RBFOX1: variants seen among roughly 807,000 people sequenced by gnomAD.
The protein encoded by RBFOX1 is RNA binding protein fox-1 homolog 1.
Under a neutral mutation model 57.7 loss-of-function variants are expected in RBFOX1, and 8 were observed. That is an observed-to-expected ratio of 0.14 (90% CI 0.08 to 0.25). The LOEUF is 0.25. Ranked by LOEUF, RBFOX1 falls within the 10% of genes least tolerant of loss-of-function variation. The pLI is 1.00. For synonymous variants in RBFOX1, 326 were observed against 222.4 expected, an observed-to-expected ratio of 1.47 and a Z score of -4.15; for missense variants, 611 against 548.5, an observed-to-expected ratio of 1.11 and a Z score of -1.14.
intron 2 of RBFOX1, among the ~76,000 whole-genome samples, chr16:6,436,477 C>G (rs2094237181): frequency 6.9e-6 from 1 of 144,238 alleles, no homozygotes; most frequent in Admixed American, 7.0e-5. Flanking sequence ...ATGCTGTGAA[C>G]AATTTTGACA....
In RBFOX1 at chr16:7,163,710, GC is replaced by G. The variant is rs1321744944; in HGVS notation, c.27+111613del. ...CTTGCTCTGTCACCCATGCTGGAGTGCAGTGGTGCAATCTCATCTCACTGCA... is the reference window on the plus strand; with the variant it reads ...CTTGCTCTGTCACCCATGCTGGAGTGAGTGGTGCAATCTCATCTCACTGCA... On this transcript the variant is annotated intron_variant, in intron 4 of 15. Coordinates refer to ENST00000550418, the MANE Select transcript of RBFOX1 (RefSeq NM_018723.4). Among the ~76,000 whole-genome samples the G allele has an allele frequency of 2.0e-5, 3 of 152,018 alleles. No homozygotes were observed. The East Asian group carries it at 5.8e-4, about 29-fold the overall frequency.
At chr16:7,374,264 A>G (rs994061717) in intron 4 of RBFOX1, among the ~76,000 whole-genome samples, 6 of 152,148 alleles carry the variant, frequency 3.9e-5, no homozygotes, top group Non-Finnish European at 8.8e-5. Context: ...TCTTTTTCTG[A>G]GGCTCCGTGT....
At chr16:7,139,176 C>CTCTCTCTCTCTCTCTCTCTGTGTGTGTG (rs372381673) in intron 4 of RBFOX1, among the ~76,000 whole-genome samples, 1 of 145,792 alleles carries the variant, frequency 6.9e-6, no homozygotes, top group Non-Finnish European at 1.5e-5. Flanking sequence ...CAATCTCTCT[C>CTCTCTCTCTCTCTCTCTCTGTGTGTGTG]TGTGTGTGTG....
At chr16:6,950,890 T>G (rs1873706) in intron 3 of RBFOX1, among the ~76,000 whole-genome samples, 119 of 151,568 alleles carry the variant, frequency 7.9e-4, no homozygotes, top group Non-Finnish European at 1.2e-3. Context: ...TTTCTGTTTC[T>G]TTTCACTCTT....
At chr16:6,267,376 A>G (rs907955590) in intron 1 of RBFOX1, among the ~76,000 whole-genome samples, 4 of 152,192 alleles carry the variant, frequency 2.6e-5, no homozygotes, top group African/African-American at 9.6e-5. Context: ...CCCCGATTTC[A>G]CTATCTCCTA....
At chr16:5,970,846 T>C (rs1177557374) in intron 4 of RBFOX1, among the ~76,000 whole-genome samples, 2 of 152,182 alleles carry the variant, frequency 1.3e-5, no homozygotes, top group Non-Finnish European at 2.9e-5. Flanking sequence ...AGATACTCAT[T>C]TTTCATTCTC....
chr16:5,641,142 A>AT (rs1567335024), intron 3 of RBFOX1, among the ~76,000 whole-genome samples: 1 of 148,824 alleles, frequency 6.7e-6, no homozygotes, highest in African/African-American at 2.5e-5. Context: ...GCACACCATG[A>AT]ATACACACAC....
At chr16:7,082,978 T>TG (rs2059429584) in intron 4 of RBFOX1, among the ~76,000 whole-genome samples, 1 of 148,880 alleles carries the variant, frequency 6.7e-6, no homozygotes, top group South Asian at 2.1e-4. Context: ...CTTGTAAATA[T>TG]GGAAAAAAAT....
intron 4 of RBFOX1, among the ~76,000 whole-genome samples, chr16:7,232,057 G>T (rs192454685): frequency 6.6e-6 from 1 of 151,790 alleles, no homozygotes; most frequent in Non-Finnish European, 1.5e-5. Context: ...ACAGAGTCTC[G>T]GTCTGTCACC....
chr16:5,879,597 T>C (rs1415485435), intron 4 of RBFOX1, among the ~76,000 whole-genome samples: 1 of 152,206 alleles, frequency 6.6e-6, no homozygotes, highest in Non-Finnish European at 1.5e-5. Context: ...CCCAAAGTGC[T>C]GGGATTATAG....
At chr16:5,986,328 T>A (rs1224208199) in intron 4 of RBFOX1, among the ~76,000 whole-genome samples, 1 of 152,230 alleles carries the variant, frequency 6.6e-6, no homozygotes, top group Non-Finnish European at 1.5e-5. Flanking sequence ...CCTCCCATAG[T>A]GCTGGGATTA....
chr16:6,813,990 A>G (rs1300739619), intron 3 of RBFOX1, among the ~76,000 whole-genome samples: 2 of 152,126 alleles, frequency 1.3e-5, no homozygotes, highest in Admixed American at 6.6e-5. Flanking sequence ...GGCACTGGCA[A>G]TATCTGAGGA....
At chr16:6,576,243 G>A (rs2097433917) in intron 2 of RBFOX1, among the ~76,000 whole-genome samples, 1 of 152,166 alleles carries the variant, frequency 6.6e-6, no homozygotes, top group Non-Finnish European at 1.5e-5. Flanking sequence ...AGGGCACAAG[G>A]CAGGGACCAC....
chr16:6,249,327 C>G (rs1047735558), intron 1 of RBFOX1, among the ~76,000 whole-genome samples: 1 of 152,096 alleles, frequency 6.6e-6, no homozygotes, highest in African/African-American at 2.4e-5. Flanking sequence ...GAGTTCAAGA[C>G]CAGGCTGGCC....
chr16:5,884,495 A>T (rs1410783307), intron 4 of RBFOX1, among the ~76,000 whole-genome samples: 1 of 130,360 alleles, frequency 7.7e-6, no homozygotes, highest in Non-Finnish European at 1.6e-5. Flanking sequence ...GCTAGGGTAC[A>T]CAGCTGGACT....
intron 3 of RBFOX1, among the ~76,000 whole-genome samples, chr16:6,732,473 C>G (rs542577150): frequency 6.6e-6 from 1 of 152,174 alleles, no homozygotes; most frequent in African/African-American, 2.4e-5. Flanking sequence ...TCACCTGATT[C>G]ATTGAGTATC....
intron 3 of RBFOX1, among the ~76,000 whole-genome samples, chr16:6,672,586 T>C (rs2098773415): frequency 1.3e-5 from 2 of 152,118 alleles, no homozygotes; most frequent in South Asian, 4.2e-4. Context: ...TCTGTTTATG[T>C]GACAGAATCT....
chr16:6,459,261 G>A (rs956055963), intron 2 of RBFOX1, among the ~76,000 whole-genome samples: 6 of 152,140 alleles, frequency 3.9e-5, no homozygotes, highest in African/African-American at 9.7e-5. Context: ...GCGTGAACCC[G>A]GGAGGCAGAG....
intron 3 of RBFOX1, among the ~76,000 whole-genome samples, chr16:5,700,023 G>A (rs900628603): frequency 3.9e-5 from 6 of 151,970 alleles, no homozygotes; most frequent in East Asian, 1.9e-4. Flanking sequence ...TAGTAGAGAC[G>A]GGGTTTTACC....
Sources: allele counts gnomAD v4.1 joint callset (sites outside exome capture counted in the v4.1 genomes callset), GRCh38; gene constraint gnomAD v4.1.1; transcripts MANE v1.5; gene names NCBI Gene and HGNC (gene_info 2026-07-23, HGNC 2026-07-21).